The following FRAS1 variants were observed in gnomAD, a reference collection of about 807,000 sequenced individuals.
FRAS1 encodes Fraser extracellular matrix complex subunit 1.
Under a neutral mutation model 435.2 loss-of-function variants are expected in FRAS1, and 290 were observed. That is an observed-to-expected ratio of 0.67 (90% CI 0.61 to 0.73). The LOEUF (loss-of-function observed/expected upper bound fraction) is 0.73, where lower values mean the gene tolerates loss of function less well. Among genes scored for constraint, FRAS1 ranks in the 30% least tolerant of loss-of-function variants. The pLI, the probability that FRAS1 is intolerant of heterozygous loss-of-function variation, is 0.00. For missense variants in FRAS1, 4,860 were observed against 5,001.5 expected (o/e 0.97, Z 0.85); for synonymous variants, 1,800 against 1,851.0 (o/e 0.97, Z 0.71).
At chr4:78,134,714 AAAT>A (rs1217992364) in intron 2 of FRAS1, among the ~76,000 whole-genome samples, 1 of 152,230 alleles carries the variant, frequency 6.6e-6, no homozygotes, top group Non-Finnish European at 1.5e-5. Flanking sequence ...TCATATTGGT[AAAT>A]AATAATTTTA....
rs1261094335 is a variant in FRAS1, at chr4:78,455,513, A to G, written c.6763+3159A>G. On this transcript the variant is annotated intron_variant, in intron 47 of 73. Transcript: ENST00000512123. ...ACCAAGATATTTATTTGGGGACCAG[A>G]GACCTCCTGGAATTATTATGAATCA... Among the ~76,000 whole-genome samples, 5 of 152,314 alleles carry G rather than the reference A, an allele frequency of 3.3e-5. No homozygotes were observed. In the East Asian group the frequency reaches 9.6e-4, roughly 29 times the overall value.
intron 2 of FRAS1, among the ~76,000 whole-genome samples, chr4:78,188,906 T>TA (rs1179341738): frequency 2.0e-5 from 3 of 152,216 alleles, no homozygotes; most frequent in African/African-American, 7.2e-5. Flanking sequence ...TGGACAGTCA[T>TA]AAAAACACCA....
intron 2 of FRAS1, among the ~76,000 whole-genome samples, chr4:78,207,229 CT>C (rs1723299568): frequency 6.6e-6 from 1 of 152,134 alleles, no homozygotes; most frequent in South Asian, 2.1e-4. Flanking sequence ...ACTTTTTCTT[CT>C]TCTTTTGTTG....
intron 61 of FRAS1, among the ~76,000 whole-genome samples, chr4:78,505,809 A>G (rs1462224804): frequency 6.6e-6 from 1 of 151,930 alleles, no homozygotes; most frequent in East Asian, 1.9e-4. Flanking sequence ...GAGAAGAGAC[A>G]CTCTGGTTTT....
At chr4:78,359,275 G>C (rs770157819) in intron 20 of FRAS1, among the ~76,000 whole-genome samples, 5 of 109,668 alleles carry the variant, frequency 4.6e-5, no homozygotes, top group Non-Finnish European at 1.0e-4. Context: ...GTCTGCCCTA[G>C]GGAACTATAC....
chr4:78,541,206 A>G lies in FRAS1; in HGVS notation c.*82A>G. 1 of 866,016 alleles carries G rather than the reference A, an allele frequency of 1.2e-6. No individual in the cohort carries two copies. Among genetic ancestry groups the G allele is most frequent in the Non-Finnish European group, 1.6e-6 (1 of 623,612 alleles). The allele number at this position is 866,016 out of a possible 1,614,324, so 53.6% of individuals were successfully genotyped here. A position where few individuals can be genotyped will look rare whatever the true frequency, so the allele number is the denominator to read the frequency against. ...TACTGGTATTTTTATAATCTCGCAG[A>G]TAAAAAAGGGAAAACTATAGCTTTG... is the stretch of plus-strand genomic sequence containing the variant. On this transcript the variant is annotated 3_prime_UTR_variant, in exon 74 of 74. Coordinates refer to ENST00000512123, the MANE Select transcript of FRAS1 (RefSeq NM_025074.7).
intron 12 of FRAS1, 97 bp from the exon 13 acceptor site, chr4:78,284,308 G>C: frequency 1.1e-6 from 1 of 890,774 alleles, no homozygotes; most frequent in Non-Finnish European, 1.5e-6. Context: ...CATGTTCTAT[G>C]TAATGCTACA....
At chr4:78,196,502 A>T (rs1722819514) in intron 2 of FRAS1, among the ~76,000 whole-genome samples, 1 of 152,206 alleles carries the variant, frequency 6.6e-6, no homozygotes, top group African/African-American at 2.4e-5. Flanking sequence ...TGGAAAGATT[A>T]AATTATATAC....
At chr4:78,212,095 T>G (rs1471572724) in intron 2 of FRAS1, among the ~76,000 whole-genome samples, 1 of 152,260 alleles carries the variant, frequency 6.6e-6, no homozygotes, top group Non-Finnish European at 1.5e-5. Context: ...TCATTCATCT[T>G]TCATCTGTTG....
Position 78,286,479 on chromosome 4 carries a change from C to G in FRAS1, c.1474C>G (p.His492Asp). 3.1e-6 allele frequency: 5 copies of G among 1,613,718 alleles called. No homozygotes were observed. Among genetic ancestry groups the G allele is most frequent in the Non-Finnish European group, 4.2e-6 (5 of 1,179,882 alleles). The change falls in exon 14 of 74, where the codon CAC (histidine) becomes GAC (aspartate). Residue 492 changes from histidine (H) to aspartate (D), a missense_variant. His to Asp is a moderately conservative substitution (Grantham distance 81). Coordinates refer to ENST00000512123, the MANE Select transcript of FRAS1 (RefSeq NM_025074.7). ...SSCQPPLLMRHGQCVPTCGDG... is the reference protein window; with the variant it reads ...SSCQPPLLMRDGQCVPTCGDG... ...CTGCCAGCCTCCCCTGCTGATGCGGCACGGGCAGTGTGTGCCTACCTGTGG... is the reference window on the plus strand; with the variant it reads ...CTGCCAGCCTCCCCTGCTGATGCGGGACGGGCAGTGTGTGCCTACCTGTGG...
At chr4:78,078,987 T>C (rs1740779347) in intron 2 of FRAS1, among the ~76,000 whole-genome samples, 1 of 152,186 alleles carries the variant, frequency 6.6e-6, no homozygotes, top group Non-Finnish European at 1.5e-5. Context: ...ATTATGTATG[T>C]TATAAAATAA....
In FRAS1 at chr4:78,472,216, A is replaced by C. The variant is rs564343596; in HGVS notation, c.7408A>C (p.Met2470Leu). The change falls in exon 52 of 74, where the codon ATG becomes CTG. Residue 2470 changes from methionine (M) to leucine (L), a missense_variant. Coordinates refer to ENST00000512123, the MANE Select transcript of FRAS1 (RefSeq NM_025074.7). ...NLITKKELLT[M>L]DPDTEDAQLV... ...GATCACCAAGAAGGAACTGCTGACC[A>C]TGGACCCAGACACCGAGGACGCGCA... is the stretch of plus-strand genomic sequence containing the variant. The C allele has an allele frequency of 6.2e-7, 1 of 1,614,006 alleles. No individual in the cohort carries two copies. The highest frequency in any genetic ancestry group is 1.3e-5 in the African/African-American group (1 of 75,058).
intron 34 of FRAS1, among the ~76,000 whole-genome samples, chr4:78,423,269 CA>C (rs1177950501): frequency 6.6e-6 from 1 of 151,934 alleles, no homozygotes; most frequent in Non-Finnish European, 1.5e-5. Flanking sequence ...CAGATTCAAG[CA>C]ATTCTCCTGC....
intron 14 of FRAS1, among the ~76,000 whole-genome samples, chr4:78,295,613 T>G (rs1412598375): frequency 6.6e-6 from 1 of 152,222 alleles, no homozygotes; most frequent in African/African-American, 2.4e-5. Context: ...TGTCTATTCC[T>G]TTTGTTATCA....
chr4:78,101,885 TG>T (rs1220174100), intron 2 of FRAS1, among the ~76,000 whole-genome samples: 1 of 152,060 alleles, frequency 6.6e-6, no homozygotes, highest in African/African-American at 2.4e-5. Context: ...AGTCACGGAG[TG>T]CAGGTTTTCA....
intron 2 of FRAS1, among the ~76,000 whole-genome samples, chr4:78,229,079 T>G (rs368130088): frequency 1.8e-4 from 27 of 152,214 alleles, no homozygotes; most frequent in Middle Eastern, 3.4e-3. Context: ...GGTATGGAGG[T>G]GGGTTTGGTG....
chr4:78,265,427 G>A (rs1229128179), intron 7 of FRAS1, among the ~76,000 whole-genome samples: 1 of 152,136 alleles, frequency 6.6e-6, no homozygotes, highest in Non-Finnish European at 1.5e-5. Context: ...TAGCTTTGAG[G>A]CTCTGTGGAT....
intron 35 of FRAS1, among the ~76,000 whole-genome samples, chr4:78,428,151 G>C (rs1396983835): frequency 5.3e-5 from 8 of 152,190 alleles, no homozygotes; most frequent in Non-Finnish European, 8.8e-5. Flanking sequence ...ATTTTCCTCA[G>C]AGATGGATGT....
At chr4:78,444,492 G>A (rs540282244) in intron 41 of FRAS1, among the ~76,000 whole-genome samples, 67 of 152,190 alleles carry the variant, frequency 4.4e-4, no homozygotes, top group African/African-American at 1.3e-3. Context: ...TCTGATTTTT[G>A]CAAAGGGTCA....
Sources: allele counts gnomAD v4.1 joint callset (sites outside exome capture counted in the v4.1 genomes callset), GRCh38; gene constraint gnomAD v4.1.1; transcripts MANE v1.5; gene names NCBI Gene and HGNC (gene_info 2026-07-23, HGNC 2026-07-21).